TBC1D22A: variants seen among roughly 807,000 people sequenced by gnomAD.
TBC1D22A encodes the protein TBC1 domain family member 22A.
A neutral mutation model predicts 60.2 loss-of-function variants in TBC1D22A; 38 were observed. That is an observed-to-expected ratio of 0.63 (90% CI 0.49 to 0.83). The LOEUF (loss-of-function observed/expected upper bound fraction) is 0.83, where lower values mean the gene tolerates loss of function less well. TBC1D22A is among the 40% of genes least tolerant of loss of function. TBC1D22A has a pLI of 0.00. For synonymous variants in TBC1D22A, 302 were observed against 281.7 expected (o/e 1.07, Z -0.72); for missense variants, 628 against 701.0 (o/e 0.90, Z 1.18).
chr22:46,863,027 C>T (rs762058846), intron 4 of TBC1D22A, among the ~76,000 whole-genome samples: 4 of 152,242 alleles, frequency 2.6e-5, no homozygotes, highest in Non-Finnish European at 4.4e-5. Context: ...ATAGTCTGCG[C>T]AGGGTAAGCG....
intron 12 of TBC1D22A, among the ~76,000 whole-genome samples, chr22:47,161,405 G>T (rs999386002): frequency 2.0e-5 from 3 of 152,166 alleles, no homozygotes; most frequent in Non-Finnish European, 2.9e-5. Flanking sequence ...ACACTCACAG[G>T]AGTTGCCAGC....
At chr22:47,111,767 T>C (rs565459261) in intron 12 of TBC1D22A, among the ~76,000 whole-genome samples, 164 bp downstream of exon 12, 61 of 152,314 alleles carry the variant, frequency 4.0e-4, no homozygotes, top group African/African-American at 1.3e-3. Flanking sequence ...GCTGAGGAGA[T>C]GAGCCTGGCA....
intron 9 of TBC1D22A, among the ~76,000 whole-genome samples, chr22:46,981,853 CA>C (rs2074524994): frequency 6.6e-6 from 1 of 152,208 alleles, no homozygotes; most frequent in Non-Finnish European, 1.5e-5. Context: ...ACGTGTACTG[CA>C]CAGTTTGGGC....
chr22:46,770,420 A>G (rs1312899956), intron 1 of TBC1D22A, among the ~76,000 whole-genome samples: 4 of 152,238 alleles, frequency 2.6e-5, no homozygotes, highest in African/African-American at 9.6e-5. Flanking sequence ...TCTGACCTTC[A>G]GAACTTCGAG....
chr22:46,856,185 C>CT (rs2087560869), intron 4 of TBC1D22A, among the ~76,000 whole-genome samples: 1 of 152,168 alleles, frequency 6.6e-6, no homozygotes. Context: ...GGGCCCTACC[C>CT]GAAGTGTGGA....
At chr22:46,799,410 G>A (rs1421957200) in intron 4 of TBC1D22A, among the ~76,000 whole-genome samples, 3 of 152,060 alleles carry the variant, frequency 2.0e-5, no homozygotes. Context: ...TGAAACCTTC[G>A]CTGCATATTT....
rs2062321734 is a variant in TBC1D22A at position 47,028,085 on chromosome 22, GTGC to G, written c.1202-8985_1202-8983del. Reference sequence around the variant, plus strand: ...TGGAGGGGTGTGCTGAGTAGCTCGTGTGCACGTCTGTGAGGTGAAAATGATTTA... The same window carrying G: ...TGGAGGGGTGTGCTGAGTAGCTCGTGACGTCTGTGAGGTGAAAATGATTTA... On this transcript the variant is annotated intron_variant, in intron 10 of 12. Transcript: ENST00000337137. This position sits in a 1 kb window ranked among gnomAD's most constrained non-coding sequence, Gnocchi z 4.4. Among the ~76,000 whole-genome samples the G allele has an allele frequency of 6.6e-6, 1 of 152,164 alleles. No homozygotes were observed. Among genetic ancestry groups the G allele is most frequent in the African/African-American group, 2.4e-5 (1 of 41,452 alleles).
chr22:46,982,928 C>T (rs1344984618), intron 9 of TBC1D22A, among the ~76,000 whole-genome samples: 3 of 152,218 alleles, frequency 2.0e-5, no homozygotes, highest in Admixed American at 2.0e-4. Flanking sequence ...GGGTGCTTTT[C>T]AGTGGTTGCT....
At position 47,037,278 on chromosome 22, in the gene TBC1D22A, T is replaced by G. The variant is rs201341224; in HGVS notation, c.1329+80T>G. The G allele has an allele frequency of 8.3e-4, 1,296 of 1,565,540 alleles. 15 individuals are homozygous for G. In the East Asian group the frequency reaches 0.025, roughly 31 times the overall value. On this transcript the variant is annotated intron_variant, in intron 11 of 12. Transcript: ENST00000337137. ...CCTGTCGCCTTCTGCCCTGGGCCTGTGTGCTGCATTCGATTTTTTCTTCCA... is the reference window on the plus strand; with the variant it reads ...CCTGTCGCCTTCTGCCCTGGGCCTGGGTGCTGCATTCGATTTTTTCTTCCA...
At chr22:46,901,299 T>C (rs2068978234) in intron 7 of TBC1D22A, among the ~76,000 whole-genome samples, 1 of 152,262 alleles carries the variant, frequency 6.6e-6, no homozygotes, top group Non-Finnish European at 1.5e-5. Flanking sequence ...ACCATTGTAC[T>C]GATTCTTCAG....
At chr22:47,166,158 G>A (rs2068202454) in intron 12 of TBC1D22A, among the ~76,000 whole-genome samples, 1 of 152,182 alleles carries the variant, frequency 6.6e-6, no homozygotes, top group Admixed American at 6.5e-5. Flanking sequence ...TGCACGCACA[G>A]CCCTTCCTGC....
chr22:47,105,843 C>T (rs1303836600), intron 11 of TBC1D22A, among the ~76,000 whole-genome samples: 3 of 151,484 alleles, frequency 2.0e-5, no homozygotes, highest in Non-Finnish European at 4.4e-5. Flanking sequence ...CACTGAAGTA[C>T]AAGGAAGCAA....
intron 12 of TBC1D22A, among the ~76,000 whole-genome samples, chr22:47,132,521 C>T (rs558224787): frequency 0.026 from 3,821 of 144,926 alleles, 63 homozygotes; most frequent in Non-Finnish European, 0.042. Flanking sequence ...CCGCCCCGCC[C>T]TGCTGTCTCT....
chr22:46,855,215 G>T (rs147732930), intron 4 of TBC1D22A, among the ~76,000 whole-genome samples: 1 of 152,158 alleles, frequency 6.6e-6, no homozygotes, highest in Non-Finnish European at 1.5e-5. Flanking sequence ...TGTGCCCAAG[G>T]TGTCTGCTTT....
At chr22:47,128,525 A>T (rs996074798) in intron 12 of TBC1D22A, among the ~76,000 whole-genome samples, 1 of 149,228 alleles carries the variant, frequency 6.7e-6, no homozygotes, top group Non-Finnish European at 1.5e-5. Context: ...TGCTGTGATC[A>T]TTTTTCCTTT....
At chr22:46,765,631 G>C (rs1228496366) in intron 1 of TBC1D22A, among the ~76,000 whole-genome samples, 1 of 151,526 alleles carries the variant, frequency 6.6e-6, no homozygotes, top group African/African-American at 2.4e-5. Flanking sequence ...ACGCCTGTCT[G>C]TTTTTTTGTA....
chr22:46,857,505 A>G (rs1327077622), intron 4 of TBC1D22A, among the ~76,000 whole-genome samples: 1 of 152,208 alleles, frequency 6.6e-6, no homozygotes, highest in African/African-American at 2.4e-5. Flanking sequence ...CTGAGATGTA[A>G]TTCACATACC....
At chr22:47,142,444 C>A (rs1360928558) in intron 12 of TBC1D22A, among the ~76,000 whole-genome samples, 5 of 65,976 alleles carry the variant, frequency 7.6e-5, no homozygotes, top group Non-Finnish European at 1.2e-4. Flanking sequence ...CCCACCCATC[C>A]ATTCACCCAC....
At chr22:46,855,880 A>G (rs2087542856) in intron 4 of TBC1D22A, among the ~76,000 whole-genome samples, 1 of 152,202 alleles carries the variant, frequency 6.6e-6, no homozygotes, top group Non-Finnish European at 1.5e-5. Flanking sequence ...ATTACATTGC[A>G]TACTTATCTA....
Sources: gnomAD v4.1 joint callset for allele counts (sites outside exome capture counted in the v4.1 genomes callset) on GRCh38, gnomAD v4.1.1 for gene constraint, Gnocchi (gnomAD v3.1) non-coding constraint, MANE v1.5 for transcripts, NCBI Gene and HGNC (gene_info 2026-07-23, HGNC 2026-07-21) for gene names.